The following SEPTIN14 variants were observed in gnomAD, a reference collection of about 807,000 sequenced individuals.
SEPTIN14 encodes the protein septin 14, also known as septin-14.
SEPTIN14 carries 40 observed loss-of-function variants against 53.6 expected under a neutral mutation model. The ratio of observed to expected loss-of-function variants is 0.75; its 90% CI spans 0.58 to 0.97. The LOEUF (loss-of-function observed/expected upper bound fraction) is 0.97. SEPTIN14 is among the 50% of genes least tolerant of loss of function. The pLI is 0.00. For missense variants in SEPTIN14, 471 were observed against 508.2 expected (o/e 0.93, Z 0.70); for synonymous variants, 138 against 166.8 (o/e 0.83, Z 1.33).
At chr7:55,832,668 T>C (rs1789130174) in intron 6 of SEPTIN14, among the ~76,000 whole-genome samples, 1 of 152,162 alleles carries the variant, frequency 6.6e-6, no homozygotes, top group Non-Finnish European at 1.5e-5. Context: ...AAATACCACA[T>C]GTTCTCATAA....
rs576356613 is a variant in SEPTIN14, at chr7:55,796,055, T to A, written c.1157A>T (p.Gln386Leu). ...TTCCTCGAGCTTCCTTATCTCCTCC[T>A]GTTGAATCATTTTAAGATGCTCGAA... ...DKFEHLKMIQ[Q>L]EEIRKLEEEK... is the part of the protein sequence containing the mutation. The change falls in exon 10 of 10, where the codon CAG (glutamine) becomes CTG (leucine). Residue 386 changes from glutamine to leucine, a missense_variant. Gln to Leu is a moderately radical substitution (Grantham distance 113). Transcript: ENST00000388975. 80 of 1,504,236 alleles carry A rather than the reference T, an allele frequency of 5.3e-5. 1 individual carries two copies. The South Asian group carries it at 8.0e-4, about 15-fold the overall frequency. 93.2% of individuals were successfully genotyped at this position (1,504,236 alleles called of 1,614,324 possible).
At chr7:55,846,784 A>G in intron 2 of SEPTIN14, 147 bp from the exon 3 acceptor site, 1 of 550,470 alleles carries the variant, frequency 1.8e-6, no homozygotes. Context: ...TATTAAGTAA[A>G]TTTGTGAAAA....
intron 5 of SEPTIN14, among the ~76,000 whole-genome samples, chr7:55,841,811 C>T (rs1321952972): frequency 2.0e-5 from 3 of 147,324 alleles, no homozygotes; most frequent in Non-Finnish European, 4.5e-5. Context: ...GCCCAGATCA[C>T]GCCATTGCAC....
intron 6 of SEPTIN14, among the ~76,000 whole-genome samples, chr7:55,828,164 C>T (rs1384150333): frequency 6.6e-6 from 1 of 151,478 alleles, no homozygotes; most frequent in African/African-American, 2.4e-5. Flanking sequence ...CAATGAGATC[C>T]AAGACAAAGC....
At chr7:55,809,592 G>C (rs1788665963) in intron 7 of SEPTIN14, among the ~76,000 whole-genome samples, 1 of 151,292 alleles carries the variant, frequency 6.6e-6, no homozygotes, top group Non-Finnish European at 1.5e-5. Context: ...CCTGAACTCA[G>C]GTGATCCACG....
intron 5 of SEPTIN14, among the ~76,000 whole-genome samples, chr7:55,837,317 A>G (rs1303217684): frequency 2.0e-5 from 3 of 151,972 alleles, no homozygotes; most frequent in Admixed American, 2.0e-4. Flanking sequence ...GGGTCTCACT[A>G]TGTTGTTCTA....
rs567970264 is a variant in SEPTIN14, at chr7:55,796,753, C to T, written c.1120-661G>A. Among the ~76,000 whole-genome samples the T allele has an allele frequency of 3.3e-5, 5 of 151,978 alleles. No individual in the cohort carries two copies. In the South Asian group the frequency reaches 8.3e-4, roughly 25 times the overall value. On this transcript the variant is annotated intron_variant, in intron 9 of 9. Transcript: ENST00000388975. Reference sequence around the variant, plus strand: ...AATGTAACACAATAGTAAACTTCAACAGGAGAGAGCATCTGTAAAATTGAA... The same window carrying T: ...AATGTAACACAATAGTAAACTTCAATAGGAGAGAGCATCTGTAAAATTGAA...
chr7:55,845,869 G>A (rs1207985419), intron 3 of SEPTIN14, among the ~76,000 whole-genome samples: 2 of 148,920 alleles, frequency 1.3e-5, no homozygotes, highest in Non-Finnish European at 3.0e-5. Context: ...CTAACATGGT[G>A]AAACCCCGTC....
intron 9 of SEPTIN14, among the ~76,000 whole-genome samples, chr7:55,802,497 T>C (rs531121932): frequency 3.5e-4 from 54 of 152,304 alleles, no homozygotes; most frequent in African/African-American, 1.3e-3. Flanking sequence ...GAATTTATTC[T>C]TGGAATGCAA....
At chr7:55,862,284 A>G (rs1789763018) in intron 1 of SEPTIN14, among the ~76,000 whole-genome samples, 1 of 152,210 alleles carries the variant, frequency 6.6e-6, no homozygotes, top group Non-Finnish European at 1.5e-5. Context: ...TTGGAAATCA[A>G]GAGGATAAGA....
At chr7:55,810,318 C>T (rs138569939) in intron 7 of SEPTIN14, among the ~76,000 whole-genome samples, 2 of 151,870 alleles carry the variant, frequency 1.3e-5, no homozygotes, top group African/African-American at 4.8e-5. Context: ...TGTTTTCTTG[C>T]TATTGAGTTG....
chr7:55,836,277 T>A (rs774823383), intron 5 of SEPTIN14, among the ~76,000 whole-genome samples: 10 of 152,176 alleles, frequency 6.6e-5, no homozygotes, highest in Non-Finnish European at 1.5e-4. Flanking sequence ...AACTAAACTT[T>A]TTAGGAAATA....
chr7:55,847,880 T>C (rs527768089), intron 2 of SEPTIN14, among the ~76,000 whole-genome samples: 1 of 152,154 alleles, frequency 6.6e-6, no homozygotes, highest in South Asian at 2.1e-4. Context: ...GGTTAAAAGA[T>C]CATTCATTTT....
intron 7 of SEPTIN14, among the ~76,000 whole-genome samples, chr7:55,808,650 C>G (rs1562706877): frequency 6.6e-6 from 1 of 152,152 alleles, no homozygotes; most frequent in African/African-American, 2.4e-5. Flanking sequence ...CTCCTGGGTT[C>G]AAGTGATTCT....
intron 6 of SEPTIN14, among the ~76,000 whole-genome samples, chr7:55,828,564 A>T (rs1180071507): frequency 6.6e-6 from 1 of 152,120 alleles, no homozygotes; most frequent in Non-Finnish European, 1.5e-5. Flanking sequence ...TCGGCCTCCC[A>T]AAGTGCTGGG....
At chr7:55,804,369 C>T (rs1788580163) in intron 9 of SEPTIN14, among the ~76,000 whole-genome samples, 1 of 151,394 alleles carries the variant, frequency 6.6e-6, no homozygotes, top group South Asian at 2.1e-4. Context: ...AGCGATTCTC[C>T]TACCTCAGCC....
intron 6 of SEPTIN14, among the ~76,000 whole-genome samples, chr7:55,824,807 A>AT (rs200714779): frequency 0.22 from 33,179 of 148,952 alleles, 4,164 homozygotes; most frequent in Middle Eastern, 0.31. Flanking sequence ...CAAACAAACA[A>AT]TTTTTTTTTT....
chr7:55,799,518 C>CAAAAAAA (rs59445168), intron 9 of SEPTIN14, among the ~76,000 whole-genome samples: 1 of 62,888 alleles, frequency 1.6e-5, no homozygotes, highest in Non-Finnish European at 3.3e-5. Flanking sequence ...ACTCTTGTCT[C>CAAAAAAA]AAAAAAAAAA....
chr7:55,827,249 C>T (rs931826013), intron 6 of SEPTIN14, among the ~76,000 whole-genome samples: 2 of 152,222 alleles, frequency 1.3e-5, no homozygotes, highest in Admixed American at 6.5e-5. Context: ...AAAGGTGAAG[C>T]TGCTTCCCCT....
Sources: allele counts gnomAD v4.1 joint callset (sites outside exome capture counted in the v4.1 genomes callset), GRCh38; gene constraint gnomAD v4.1.1; transcripts MANE v1.5; gene names NCBI Gene and HGNC (gene_info 2026-07-23, HGNC 2026-07-21).